Variants in MCHR2 observed in about 807,000 individuals in gnomAD.
MCHR2 encodes melanin concentrating hormone receptor 2.
A neutral mutation model predicts 24.8 loss-of-function variants in MCHR2; 15 were observed. The ratio of observed to expected loss-of-function variants is 0.60; its 90% CI spans 0.40 to 0.93. The LOEUF is 0.93. Ranked by LOEUF, MCHR2 falls within the 40% of genes least tolerant of loss-of-function variation. The probability of loss-of-function intolerance (pLI) is 0.00; values close to 1 mark genes in which losing one functional copy is unlikely to be tolerated. For synonymous variants in MCHR2, 151 were observed against 147.6 expected (o/e 1.02, Z -0.17); for missense variants, 386 against 408.7 (o/e 0.94, Z 0.48).
chr6:99,977,332 G>A (rs1775570432), intron 1 of MCHR2, among the ~76,000 whole-genome samples: 1 of 152,156 alleles, frequency 6.6e-6, no homozygotes, highest in East Asian at 1.9e-4. Flanking sequence ...AGATTCTTAG[G>A]AAACCTCCAG....
At chr6:99,987,124 A>G (rs1280176008) in intron 1 of MCHR2, among the ~76,000 whole-genome samples, 1 of 151,776 alleles carries the variant, frequency 6.6e-6, no homozygotes, top group African/African-American at 2.4e-5. Flanking sequence ...TTTTTGAGAC[A>G]GAGTCTTGCT....
chr6:99,984,884 A>G lies in MCHR2; in HGVS notation c.-28+9052T>C, dbSNP rs149014352. On this transcript the variant is annotated intron_variant, in intron 1 of 5. Coordinates refer to ENST00000281806, the MANE Select transcript of MCHR2 (RefSeq NM_001040179.2). ...ATTCAATCAGAAAAAAGTAAGTCGA[A>G]TTATTTCTGTTTGTTGATGATATGA... Among the ~76,000 whole-genome samples the G allele has an allele frequency of 2.8e-3, 432 of 152,204 alleles. 1 individual carries two copies. Among genetic ancestry groups the G allele is most frequent in the African/African-American group, 9.7e-3 (405 of 41,546 alleles).
At chr6:99,924,627 T>A (rs1173687458) in intron 5 of MCHR2, among the ~76,000 whole-genome samples, 2 of 152,100 alleles carry the variant, frequency 1.3e-5, no homozygotes, top group Non-Finnish European at 2.9e-5. Flanking sequence ...TTTCAAGAAA[T>A]TTTTCAACTT....
chr6:99,946,895 G>A (rs1051053927), intron 3 of MCHR2, among the ~76,000 whole-genome samples: 6 of 152,092 alleles, frequency 3.9e-5, no homozygotes, highest in Non-Finnish European at 5.9e-5. Context: ...GGGGTGAGCT[G>A]CTAGGACCTG....
intron 1 of MCHR2, among the ~76,000 whole-genome samples, chr6:99,963,809 A>T (rs1227751515): frequency 6.6e-6 from 1 of 152,140 alleles, no homozygotes; most frequent in Non-Finnish European, 1.5e-5. Flanking sequence ...AAAAAATAAC[A>T]TGGGAATTAA....
Position 99,971,933 on chromosome 6 carries a change from C to G in MCHR2, c.-27-15759G>C, listed in dbSNP as rs565497502. 1.0e-3 allele frequency among the ~76,000 whole-genome samples: 157 copies of G among 152,288 alleles called. 1 individual carries two copies. The highest frequency in any genetic ancestry group is 3.7e-3 in the African/African-American group (152 of 41,578). On this transcript the variant is annotated intron_variant, in intron 1 of 5. Transcript: ENST00000281806. ...AGCCCATTTGATCATGGTGGATAAGCTTTTTGATGTGCTGCTGGATTCGGT... is the reference window on the plus strand; with the variant it reads ...AGCCCATTTGATCATGGTGGATAAGGTTTTTGATGTGCTGCTGGATTCGGT...
chr6:99,985,757 T>C (rs529442677), intron 1 of MCHR2, among the ~76,000 whole-genome samples: 22 of 152,218 alleles, frequency 1.4e-4, no homozygotes, highest in African/African-American at 5.1e-4. Context: ...TTCTGGACAT[T>C]GGCCTAGGCA....
At chr6:99,975,898 C>T (rs1374178982) in intron 1 of MCHR2, among the ~76,000 whole-genome samples, 2 of 152,198 alleles carry the variant, frequency 1.3e-5, no homozygotes, top group East Asian at 1.9e-4. Context: ...TTCATAGCAT[C>T]CTTCATTTGA....
Position 99,919,723 on chromosome 6 carries a change from T to A in MCHR2, c.*1217A>T, listed in dbSNP as rs551969944. ...AAGGGAATGTTTCTTGTTTTTTTTT[T>A]TGTTTGTTTTGTTTTTTTTTTTGAG... is the stretch of plus-strand genomic sequence containing the variant. On this transcript the variant is annotated 3_prime_UTR_variant, in exon 6 of 6. Coordinates refer to ENST00000281806, the MANE Select transcript of MCHR2 (RefSeq NM_001040179.2). 3.2e-4 allele frequency among the ~76,000 whole-genome samples: 46 copies of A among 143,726 alleles called. No individual in the cohort carries two copies. In the South Asian group the frequency reaches 0.01, roughly 32 times the overall value. The allele number at this position is 143,726 out of a possible 152,430, so 94.3% of individuals were successfully genotyped here. A position where few individuals can be genotyped will look rare whatever the true frequency, so the allele number is the denominator to read the frequency against.
intron 5 of MCHR2, among the ~76,000 whole-genome samples, chr6:99,926,548 C>T (rs9495879): frequency 0.32 from 48,761 of 152,028 alleles, 8,279 homozygotes; most frequent in Admixed American, 0.42. Flanking sequence ...GAGATGGTAT[C>T]TCATTGTGGT....
chr6:99,985,880 C>G (rs1456795885), intron 1 of MCHR2, among the ~76,000 whole-genome samples: 1 of 152,050 alleles, frequency 6.6e-6, no homozygotes, highest in Admixed American at 6.5e-5. Context: ...ACAGAGTAAA[C>G]AGACAACCTA....
chr6:99,947,087 A>T (rs141406835), intron 3 of MCHR2, among the ~76,000 whole-genome samples: 2 of 152,244 alleles, frequency 1.3e-5, no homozygotes, highest in South Asian at 2.1e-4. Context: ...CATCTCCTCA[A>T]ATAACATTAG....
chr6:99,941,844 ATT>A (rs34397476), intron 4 of MCHR2, among the ~76,000 whole-genome samples: 17 of 150,046 alleles, frequency 1.1e-4, no homozygotes, highest in South Asian at 6.3e-4. Context: ...AAGCATATGA[ATT>A]TTTTTTTTTT....
chr6:99,974,037 C>T (rs1005310936), intron 1 of MCHR2, among the ~76,000 whole-genome samples: 14 of 152,250 alleles, frequency 9.2e-5, no homozygotes, highest in African/African-American at 3.1e-4. Flanking sequence ...AATTATGTGT[C>T]TTGGAGTTGC....
At chr6:99,955,072 CAT>C (rs1448130308) in intron 2 of MCHR2, among the ~76,000 whole-genome samples, 1 of 152,084 alleles carries the variant, frequency 6.6e-6, no homozygotes, top group African/African-American at 2.4e-5. Context: ...TCTTTTATAA[CAT>C]ATGAATATGG....
At chr6:99,981,963 T>C (rs1440716554) in intron 1 of MCHR2, among the ~76,000 whole-genome samples, 1 of 152,156 alleles carries the variant, frequency 6.6e-6, no homozygotes, top group African/African-American at 2.4e-5. Flanking sequence ...ACACAATGCT[T>C]GTTGACTGAG....
intron 4 of MCHR2, among the ~76,000 whole-genome samples, chr6:99,939,650 G>A (rs1774733704): frequency 6.6e-6 from 1 of 151,216 alleles, no homozygotes. Flanking sequence ...GCTTGTTAAT[G>A]TATTTAATTT....
At chr6:99,932,204 A>G (rs4839765) in intron 5 of MCHR2, among the ~76,000 whole-genome samples, 93,143 of 151,934 alleles carry the variant, frequency 0.61, 28,652 homozygotes, top group East Asian at 0.77. Context: ...TGGCATGTAA[A>G]GTTCAAAGCT....
At position 99,947,839 on chromosome 6, in the gene MCHR2, G is replaced by A. The variant is rs1774898560; in HGVS notation, c.315C>T (p.Leu105=). The A allele has an allele frequency of 6.2e-7, 1 of 1,613,708 alleles. No homozygotes were observed. The highest frequency in any genetic ancestry group is 8.5e-7 in the Non-Finnish European group (1 of 1,179,816). The change falls in exon 3 of 6, where the codon CTC becomes CTT. Residue 105 remains leucine, a synonymous_variant. Coordinates refer to ENST00000281806, the MANE Select transcript of MCHR2 (RefSeq NM_001040179.2). The part of the protein sequence containing the change: ...RGGEWVFGGP[L]CTIITSLDTC... ...TATCCAGGGATGTGATGATGGTGCA[G>A]AGAGGCCCCCCAAACACCCACTCTC...
Sources: allele counts gnomAD v4.1 joint callset (sites outside exome capture counted in the v4.1 genomes callset), GRCh38; gene constraint gnomAD v4.1.1; transcripts MANE v1.5; gene names NCBI Gene and HGNC (gene_info 2026-07-23, HGNC 2026-07-21).